Variants in TDRD15 observed in about 807,000 individuals in gnomAD.
The protein encoded by TDRD15 is tudor domain containing 15.
For missense variants in TDRD15, 1,416 were observed against 904.7 expected (o/e 1.57, Z -7.25); for synonymous variants, 503 against 314.5 (o/e 1.60, Z -6.34).
rs1407471471 is a variant in TDRD15 at position 21,142,494 on chromosome 2, T to C, written c.5027T>C (p.Val1676Ala). 3 of 699,026 alleles carry C rather than the reference T, an allele frequency of 4.3e-6. No homozygotes were observed. Among genetic ancestry groups the C allele is most frequent in the East Asian group, 2.7e-5 (1 of 37,106 alleles). 43.3% of individuals were successfully genotyped at this position (699,026 alleles called of 1,614,324 possible). A position where few individuals can be genotyped will look rare whatever the true frequency, so the allele number is the denominator to read the frequency against. Reference protein sequence around the residue: ...FLKYLDAVWEVEILVDDLLLL... With the variant: ...FLKYLDAVWEAEILVDDLLLL... ...AAATATTTAGATGCTGTTTGGGAAG[T>C]AGAAATTTTGGTAGATGACCTGTTA... The change falls in exon 4 of 4, where the codon GTA becomes GCA. Residue 1676 changes from valine to alanine, a missense_variant. Transcript: ENST00000405799.
chr2:21,130,624 C>T (rs1167574937), intron 2 of TDRD15, among the ~76,000 whole-genome samples: 1 of 151,544 alleles, frequency 6.6e-6, no homozygotes, highest in Non-Finnish European at 1.5e-5. Context: ...ATTTTTTTTT[C>T]AGGACCATTT....
rs1487564366 is a variant in TDRD15 at position 21,140,811 on chromosome 2, A to G, written c.3344A>G (p.Glu1115Gly). ...RSLKAIILSQ[E>G]SDGQLGIELY... Reference sequence around the variant, plus strand: ...TTAAAGGCGATAATATTGTCCCAGGAGTCAGATGGACAGCTTGGTATAGAA... The same window carrying G: ...TTAAAGGCGATAATATTGTCCCAGGGGTCAGATGGACAGCTTGGTATAGAA... The change falls in exon 4 of 4, where the codon GAG (glutamate) becomes GGG (glycine). Residue 1115 changes from glutamate (E) to glycine (G), a missense_variant. By Grantham distance (98) the Glu-to-Gly change is moderately conservative. Coordinates refer to ENST00000405799, the MANE Select transcript of TDRD15 (RefSeq NM_001306137.2). 1 of 715,482 alleles carries G rather than the reference A, an allele frequency of 1.4e-6. No homozygotes were observed. Among genetic ancestry groups the G allele is most frequent in the Admixed American group, 2.0e-5 (1 of 49,872 alleles). 44.3% of individuals were successfully genotyped at this position (715,482 alleles called of 1,614,324 possible).
At chr2:21,130,836 C>T (rs1665704410) in intron 2 of TDRD15, among the ~76,000 whole-genome samples, 1 of 152,128 alleles carries the variant, frequency 6.6e-6, no homozygotes, top group Admixed American at 6.5e-5. Flanking sequence ...AAAAAGGTGG[C>T]AGTTTCACTT....
At position 21,138,920 on chromosome 2, in the gene TDRD15, A is replaced by G. The variant is rs1340966610; in HGVS notation, c.1453A>G (p.Ile485Val). The stretch of plus-strand genomic sequence containing the variant: ...ACAAATGGAGATAGAGGCTGCCTAC[A>G]TAGCTTTTATAGCATATGTATTAAA... Reference protein sequence around the residue: ...TVQMEIEAAYIAFIAYVLNPS... With the variant: ...TVQMEIEAAYVAFIAYVLNPS... Residue 485 changes from isoleucine (I) to valine (V), a missense_variant, in exon 4 of 4, where the codon ATA becomes GTA. Transcript: ENST00000405799. The G allele has an allele frequency of 2.1e-5, 15 of 715,234 alleles. No homozygotes were observed. The Middle Eastern group carries it at 1.1e-3, about 55-fold the overall frequency. 44.3% of individuals were successfully genotyped at this position (715,234 alleles called of 1,614,324 possible).
At chr2:21,130,164 C>A (rs1665689110) in intron 2 of TDRD15, among the ~76,000 whole-genome samples, 1 of 152,198 alleles carries the variant, frequency 6.6e-6, no homozygotes, top group Non-Finnish European at 1.5e-5. Context: ...AACATTTAAA[C>A]CATAGTAGTC....
chr2:21,138,843 ACT>A lies in TDRD15; in HGVS notation c.1381_1382del (p.Leu461LysfsTer2). 2.8e-6 allele frequency: 2 copies of A among 714,976 alleles called. No homozygotes were observed. Among genetic ancestry groups the A allele is most frequent in the South Asian group, 3.0e-5 (2 of 67,276 alleles). 44.3% of individuals were successfully genotyped at this position (714,976 alleles called of 1,614,324 possible). A position where few individuals can be genotyped will look rare whatever the true frequency, so the allele number is the denominator to read the frequency against. ...ATGGGAAATATTGAATGGTCAATAG[ACT>A]CTCTAAATAAAAAAGGCATTTTAAA... On this transcript the variant is annotated frameshift_variant, in exon 4 of 4. Transcript: ENST00000405799. LOFTEE classifies it low-confidence loss of function (END_TRUNC).
In TDRD15 at chr2:21,141,216, G is replaced by A. The variant is rs779574848; in HGVS notation, c.3749G>A (p.Arg1250His). The A allele has an allele frequency of 8.7e-5, 62 of 714,030 alleles. No homozygotes were observed. The highest frequency in any genetic ancestry group is 4.6e-4 in the Middle Eastern group (2 of 4,362). 44.2% of individuals were successfully genotyped at this position (714,030 alleles called of 1,614,324 possible). A position where few individuals can be genotyped will look rare whatever the true frequency, so the allele number is the denominator to read the frequency against. ...PGAAHILENRRVGQKSVKVVS... is the reference protein window; with the variant it reads ...PGAAHILENRHVGQKSVKVVS... ...GCTGCACATATTCTTGAGAACAGGCGTGTGGGCCAAAAATCAGTAAAGGTT... is the reference window on the plus strand; with the variant it reads ...GCTGCACATATTCTTGAGAACAGGCATGTGGGCCAAAAATCAGTAAAGGTT... The change falls in exon 4 of 4, where the codon CGT (arginine) becomes CAT (histidine). Residue 1250 changes from arginine to histidine, a missense_variant. By Grantham distance (29) the Arg-to-His change is conservative. Transcript: ENST00000405799.
In TDRD15 at chr2:21,142,945, A is replaced by C. The variant is rs1157525767; in HGVS notation, c.5478A>C (p.Ser1826=). The C allele has an allele frequency of 4.3e-6, 3 of 701,564 alleles. No homozygotes were observed. Among genetic ancestry groups the C allele is most frequent in the Non-Finnish European group, 7.9e-6 (3 of 380,198 alleles). The allele number at this position is 701,564 out of a possible 1,614,324, so 43.5% of individuals were successfully genotyped here. ...GATTTTCTTTTTATATACGTTATTCAGAAATTATAAATCTTAAAGTTGTTC... is the reference window on the plus strand; with the variant it reads ...GATTTTCTTTTTATATACGTTATTCCGAAATTATAAATCTTAAAGTTGTTC... ...DYGFSFYIRY[S]EIINLKVVPE... Residue 1826 remains serine (S), a synonymous_variant, in exon 4 of 4, where the codon TCA becomes TCC. Coordinates refer to ENST00000405799, the MANE Select transcript of TDRD15 (RefSeq NM_001306137.2).
downstream of TDRD15, among the ~76,000 whole-genome samples, chr2:21,146,708 A>G (rs1490692953): frequency 2.0e-5 from 3 of 152,132 alleles, no homozygotes; most frequent in Non-Finnish European, 4.4e-5. Context: ...AAAGAAATCT[A>G]GAATGACAGC....
rs1175792552 is a variant in TDRD15, at chr2:21,140,463, CAG to C, written c.3001_3002del (p.Ser1001CysfsTer2). 1 of 697,342 alleles carries C rather than the reference CAG, an allele frequency of 1.4e-6. No homozygotes were observed. Among genetic ancestry groups the C allele is most frequent in the Non-Finnish European group, 2.6e-6 (1 of 379,064 alleles). 43.2% of individuals were successfully genotyped at this position (697,342 alleles called of 1,614,324 possible). The stretch of plus-strand genomic sequence containing the variant: ...CTAGAGATGATAGAAACAAAAATCA[CAG>C]AGAGTGTTAACCTCCAAAATTTTCC... On this transcript the variant is annotated frameshift_variant, in exon 4 of 4. Coordinates refer to ENST00000405799, the MANE Select transcript of TDRD15 (RefSeq NM_001306137.2). LOFTEE classifies it low-confidence loss of function (END_TRUNC).
At chr2:21,124,766 G>T (rs1213818868) in intron 1 of TDRD15, among the ~76,000 whole-genome samples, 20 of 142,718 alleles carry the variant, frequency 1.4e-4, no homozygotes, top group Non-Finnish European at 2.6e-4. Context: ...GTGACAGGGT[G>T]ATCCTAATGC....
chr2:21,135,222 A>T (rs1278154428), intron 3 of TDRD15, among the ~76,000 whole-genome samples: 1 of 149,054 alleles, frequency 6.7e-6, no homozygotes, highest in East Asian at 1.9e-4. Flanking sequence ...ATAATAAAAA[A>T]GATGTGTATA....
chr2:21,141,534 A>C lies in TDRD15; in HGVS notation c.4067A>C (p.Asp1356Ala), dbSNP rs1315493036. The change falls in exon 4 of 4, where the codon GAC becomes GCC. Residue 1356 changes from aspartate (D) to alanine (A), a missense_variant. By Grantham distance (126) the Asp-to-Ala change is moderately radical. Transcript: ENST00000405799. ...CTTGTAGTTGCAGAATATTCTGGTG[A>C]CAATGCCATTTACAGGGCAGTTATT... ...GDLVVAEYSG[D>A]NAIYRAVIKK... 1.4e-6 allele frequency: 1 copy of C among 715,046 alleles called. No individual in the cohort carries two copies. The highest frequency in any genetic ancestry group is 2.7e-5 in the East Asian group (1 of 37,256). The allele number at this position is 715,046 out of a possible 1,614,324, so 44.3% of individuals were successfully genotyped here.
intron 2 of TDRD15, among the ~76,000 whole-genome samples, chr2:21,132,925 A>T (rs534016913): frequency 6.6e-6 from 1 of 152,138 alleles, no homozygotes; most frequent in East Asian, 1.9e-4. Context: ...GCTGTGCATT[A>T]TAGGATATTC....
Position 21,141,265 on chromosome 2 carries a change from A to G in TDRD15, c.3798A>G (p.Ala1266=). ...VKVVSQSFIR[A]LNQTTSQNPY... ...TTGTATCACAGTCTTTTATCAGAGC[A>G]TTAAATCAAACAACCTCACAAAACC... The change falls in exon 4 of 4, where the codon GCA becomes GCG. Residue 1266 remains alanine, a synonymous_variant. Transcript: ENST00000405799. 2.8e-6 allele frequency: 2 copies of G among 712,504 alleles called. No individual in the cohort carries two copies. The highest frequency in any genetic ancestry group is 5.2e-6 in the Non-Finnish European group (2 of 383,072). The allele number at this position is 712,504 out of a possible 1,614,324, so 44.1% of individuals were successfully genotyped here. A position where few individuals can be genotyped will look rare whatever the true frequency, so the allele number is the denominator to read the frequency against.
chr2:21,132,813 A>G (rs1665744015), intron 2 of TDRD15, among the ~76,000 whole-genome samples: 1 of 152,060 alleles, frequency 6.6e-6, no homozygotes, highest in Non-Finnish European at 1.5e-5. Flanking sequence ...TCTTTTATCT[A>G]CCTGGTATTT....
chr2:21,139,179 C>G lies in TDRD15; in HGVS notation c.1712C>G (p.Thr571Ser), dbSNP rs1416840175. Residue 571 changes from threonine (T) to serine (S), a missense_variant, in exon 4 of 4, where the codon ACT becomes AGT. Physicochemically the swap from Thr to Ser is moderately conservative, Grantham distance 58. Coordinates refer to ENST00000405799, the MANE Select transcript of TDRD15 (RefSeq NM_001306137.2). ...INVYFLDYGNTDSIPFFDVKI... is the reference protein window; with the variant it reads ...INVYFLDYGNSDSIPFFDVKI... ...GTTTATTTTTTGGATTATGGTAATA[C>G]TGATTCCATACCATTTTTTGATGTA... The G allele has an allele frequency of 2.8e-6, 2 of 714,300 alleles. No individual in the cohort carries two copies. Among genetic ancestry groups the G allele is most frequent in the East Asian group, 5.4e-5 (2 of 37,232 alleles). 44.2% of individuals were successfully genotyped at this position (714,300 alleles called of 1,614,324 possible).
At chr2:21,144,844 A>G (rs919236483), downstream of TDRD15, among the ~76,000 whole-genome samples, 3 of 152,030 alleles carry the variant, frequency 2.0e-5, no homozygotes, top group Admixed American at 6.6e-5. Flanking sequence ...ACTTATATTC[A>G]TGGAAAAATT....
chr2:21,132,684 T>C (rs1175364225), intron 2 of TDRD15, among the ~76,000 whole-genome samples: 1 of 152,176 alleles, frequency 6.6e-6, no homozygotes, highest in African/African-American at 2.4e-5. Context: ...AAAATTAATA[T>C]ATTAAAAAAA....
Sources: gnomAD v4.1 joint callset for allele counts (sites outside exome capture counted in the v4.1 genomes callset) on GRCh38, gnomAD v4.1.1 for gene constraint, MANE v1.5 for transcripts, NCBI Gene and HGNC (gene_info 2026-07-23, HGNC 2026-07-21) for gene names.